The following CFAP184 variants were observed in gnomAD, a reference collection of about 807,000 sequenced individuals.
CFAP184 encodes the protein cilia and flagella associated protein 184.
At chr4:7,042,700 C>T in the CFAP184 span, 1 of 1,511,724 alleles carries the variant, frequency 6.6e-7, no homozygotes, top group Non-Finnish European at 8.8e-7. Context: ...CCCCTCCTCG[C>T]CCGCAGCCTC....
the CFAP184 span, chr4:7,041,381 G>A: frequency 1.2e-6 from 2 of 1,614,246 alleles, no homozygotes; most frequent in Admixed American, 3.3e-5. Flanking sequence ...CGGTGAAGCA[G>A]TTCGGTCTTG....
chr4:7,042,690 C>A, the CFAP184 span: 1 of 1,509,856 alleles, frequency 6.6e-7, no homozygotes, highest in Non-Finnish European at 8.8e-7. Flanking sequence ...GCTCTCCAGG[C>A]CCCTCCTCGC....
At chr4:7,041,198 A>T in the CFAP184 span, 1 of 1,504,348 alleles carries the variant, frequency 6.6e-7, no homozygotes, top group African/African-American at 1.4e-5. Context: ...TTTTAATAGC[A>T]ACGAAGGTAA....
the CFAP184 span, chr4:7,041,378 G>A: frequency 2.5e-6 from 4 of 1,614,252 alleles, no homozygotes; most frequent in Non-Finnish European, 3.4e-6. Flanking sequence ...CGCCGGTGAA[G>A]CAGTTCGGTC....
the CFAP184 span, chr4:7,042,226 T>A: frequency 5.6e-6 from 9 of 1,597,924 alleles, no homozygotes; most frequent in African/African-American, 1.2e-4. Flanking sequence ...GCGGTTCCGC[T>A]CCACCAGCAG....
At chr4:7,041,764 C>A in the CFAP184 span, 2 of 1,613,310 alleles carry the variant, frequency 1.2e-6, no homozygotes, top group Non-Finnish European at 1.7e-6. Context: ...GGTCCTCATC[C>A]TGGTTTCAAA....
the CFAP184 span, chr4:7,041,409 G>C: frequency 3.1e-6 from 5 of 1,614,120 alleles, no homozygotes; most frequent in South Asian, 3.3e-5. Flanking sequence ...TTTCTTCCAA[G>C]TCCCGAAGAA....
chr4:7,042,041 CT>C, the CFAP184 span: 9 of 1,611,502 alleles, frequency 5.6e-6, no homozygotes, highest in African/African-American at 6.7e-5. Flanking sequence ...TGCAGGTCGT[CT>C]GCCTGCTGCT....
the CFAP184 span, chr4:7,041,147 A>G: frequency 7.1e-7 from 1 of 1,400,756 alleles, no homozygotes; most frequent in Non-Finnish European, 9.4e-7. Context: ...ACGTTTTGAG[A>G]TAAATACAAA....
the CFAP184 span, chr4:7,041,520 T>C: frequency 1.9e-6 from 3 of 1,614,230 alleles, no homozygotes; most frequent in Admixed American, 1.7e-5. Context: ...TGTCTCTTCC[T>C]AGGGCGGCCT....
chr4:7,042,108 G>A, the CFAP184 span: 3 of 1,607,866 alleles, frequency 1.9e-6, no homozygotes, highest in Non-Finnish European at 2.5e-6. Flanking sequence ...CTTTCTCGGG[G>A]GCCTCGGCCT....
the CFAP184 span, chr4:7,042,030 C>A: frequency 2.5e-6 from 4 of 1,611,900 alleles, no homozygotes; most frequent in Non-Finnish European, 3.4e-6. Flanking sequence ...GGTGGTACCA[C>A]TGCAGGTCGT....
At chr4:7,041,522 G>T in the CFAP184 span, 1 of 1,614,222 alleles carries the variant, frequency 6.2e-7, no homozygotes, top group East Asian at 2.2e-5. Flanking sequence ...TCTCTTCCTA[G>T]GGCGGCCTGG....
At chr4:7,041,819 C>T in the CFAP184 span, 1 of 1,610,138 alleles carries the variant, frequency 6.2e-7, no homozygotes, top group Non-Finnish European at 8.5e-7. Context: ...AGCCGCACGG[C>T]GCTCATCTCC....
the CFAP184 span, chr4:7,041,167 C>T: frequency 1.5e-5 from 22 of 1,468,090 alleles, no homozygotes; most frequent in South Asian, 2.8e-4. Flanking sequence ...AATAGAGTCC[C>T]GTCCCAAATG....
At chr4:7,041,867 C>T in the CFAP184 span, 1,129 of 1,610,614 alleles carry the variant, frequency 7.0e-4, 2 homozygotes, top group Non-Finnish European at 8.9e-4. Context: ...ATCTGCTCCA[C>T]CTCTCGCAGA....
chr4:7,041,525 C>A, the CFAP184 span: 26 of 1,613,750 alleles, frequency 1.6e-5, no homozygotes, highest in South Asian at 2.4e-4. Flanking sequence ...CTTCCTAGGG[C>A]GGCCTGGGCC....
At chr4:7,042,929 T>C in the CFAP184 span, 1 of 1,456,038 alleles carries the variant, frequency 6.9e-7, no homozygotes, top group East Asian at 2.6e-5. Flanking sequence ...TGCTCAGAGC[T>C]GACGTCCATC....
At chr4:7,042,109 G>A in the CFAP184 span, 10 of 1,607,714 alleles carry the variant, frequency 6.2e-6, no homozygotes, top group East Asian at 2.2e-5. Context: ...TTTCTCGGGG[G>A]CCTCGGCCTC....
Sources: gnomAD v4.1 joint callset for allele counts on GRCh38, gnomAD v4.1.1 for gene constraint, MANE v1.5 for transcripts, NCBI Gene and HGNC (gene_info 2026-07-23, HGNC 2026-07-21) for gene names.